The following DGKZ variants were observed in gnomAD, a reference collection of about 807,000 sequenced individuals.
DGKZ encodes the protein diacylglycerol kinase zeta, also known as DAG kinase zeta.
In DGKZ, 45 loss-of-function variants were observed where a neutral mutation model predicts 142.5. That is an observed-to-expected ratio of 0.32 (90% CI 0.25 to 0.40). The LOEUF (loss-of-function observed/expected upper bound fraction) is 0.40, where lower values mean the gene tolerates loss of function less well. Ranked by LOEUF, DGKZ falls within the 10% of genes least tolerant of loss-of-function variation. The probability of loss-of-function intolerance (pLI) is 1.00; values close to 1 mark genes in which losing one functional copy is unlikely to be tolerated. For missense variants in DGKZ, 755 were observed against 1,306.5 expected, an observed-to-expected ratio of 0.58 and a Z score of 6.51; for synonymous variants, 442 against 527.0, an observed-to-expected ratio of 0.84 and a Z score of 2.21.
rs1944075271 is a variant in DGKZ, at chr11:46,372,607, A to G, written c.1011-10A>G. ...CCCCTGACCCCACTGCCATCTTCCC[A>G]TGAGCCCAGGCTGGAGATGTACCGC... is the stretch of plus-strand genomic sequence containing the variant. On this transcript the variant is annotated splice_polypyrimidine_tract_variant and intron_variant, in intron 11 of 30. Transcript: ENST00000527911. This position sits in a 1 kb window ranked among gnomAD's most constrained non-coding sequence, Gnocchi z 5.9. 6.2e-7 allele frequency: 1 copy of G among 1,613,794 alleles called. No homozygotes were observed. The highest frequency in any genetic ancestry group is 1.7e-5 in the Admixed American group (1 of 60,012).
At chr11:46,378,118 G>A in intron 25 of DGKZ, 80 bp from the exon 26 acceptor site, 1 of 1,531,818 alleles carries the variant, frequency 6.5e-7, no homozygotes, top group Non-Finnish European at 8.9e-7. Context: ...AAAGGATGAA[G>A]ATGCCCCCAG....
chr11:46,356,859 T>C (rs1483823099), intron 1 of DGKZ, among the ~76,000 whole-genome samples: 1 of 152,180 alleles, frequency 6.6e-6, no homozygotes, highest in African/African-American at 2.4e-5. Context: ...TTAGGAGGAT[T>C]CGTAGCTTAA....
intron 14 of DGKZ, among the ~76,000 whole-genome samples, 190 bp downstream of exon 14, chr11:46,373,291 T>TC (rs920003985): frequency 7.1e-6 from 1 of 141,586 alleles, no homozygotes; most frequent in Non-Finnish European, 1.5e-5. Flanking sequence ...TTTTGTTTTT[T>TC]TTTTTTTTTT....
chr11:46,353,523 TGAGCCC>T (rs1941656771), intron 1 of DGKZ, among the ~76,000 whole-genome samples: 1 of 152,198 alleles, frequency 6.6e-6, no homozygotes, highest in Non-Finnish European at 1.5e-5. Context: ...ACTGGGGCTG[TGAGCCC>T]GTCATCATGT....
At position 46,379,180 on chromosome 11, in the gene DGKZ, GACC is replaced by G; in HGVS notation, c.2540-16_2540-14del. ...GGAGGAGGGGCTGCCAGGCCTCTCTGACCACCACCTCCCCTTCTCCAGCCCCCC... is the reference window on the plus strand; with the variant it reads ...GGAGGAGGGGCTGCCAGGCCTCTCTGACCACCTCCCCTTCTCCAGCCCCCC... On this transcript the variant is annotated intron_variant, in intron 28 of 30. Transcript: ENST00000527911. 6.2e-7 allele frequency: 1 copy of G among 1,612,724 alleles called. No individual in the cohort carries two copies. Among genetic ancestry groups the G allele is most frequent in the South Asian group, 1.1e-5 (1 of 91,074 alleles).
intron 1 of DGKZ, among the ~76,000 whole-genome samples, chr11:46,338,365 G>A (rs1362506922): frequency 6.6e-6 from 1 of 151,732 alleles, no homozygotes; most frequent in Non-Finnish European, 1.5e-5. Flanking sequence ...GCGTGATGGT[G>A]GGTGCCTGTT....
Position 46,372,329 on chromosome 11 carries a change from T to G in DGKZ, c.928-99T>G. 1 of 1,415,834 alleles carries G rather than the reference T, an allele frequency of 7.1e-7. No individual in the cohort carries two copies. The highest frequency in any genetic ancestry group is 9.9e-7 in the Non-Finnish European group (1 of 1,011,928). The allele number at this position is 1,415,834 out of a possible 1,614,324, so 87.7% of individuals were successfully genotyped here. On this transcript the variant is annotated intron_variant, in intron 10 of 30. Transcript: ENST00000527911. This position sits in a 1 kb window ranked among gnomAD's most constrained non-coding sequence, Gnocchi z 5.9. ...CTGTCCTTTCTCCACCCCTCACCCC[T>G]TATTGGCCCTGGTTCCCACAGTCAC...
chr11:46,367,805 T>C lies in DGKZ; in HGVS notation c.366+58T>C. 6.2e-7 allele frequency: 1 copy of C among 1,603,368 alleles called. No individual in the cohort carries two copies. Among genetic ancestry groups the C allele is most frequent in the Non-Finnish European group, 8.5e-7 (1 of 1,172,078 alleles). ...TGGTGGAGCCAGTAGCCGCAGCCCT[T>C]CCGGGAACGTGGGATTGAGCCCGCT... On this transcript the variant is annotated intron_variant, in intron 3 of 30. Transcript: ENST00000527911. This position sits in a 1 kb window ranked among gnomAD's most constrained non-coding sequence, Gnocchi z 4.1.
chr11:46,355,983 T>C (rs148090802), intron 1 of DGKZ, among the ~76,000 whole-genome samples: 2,561 of 152,022 alleles, frequency 0.017, 69 homozygotes, highest in African/African-American at 0.059. Context: ...TGACCTCAGG[T>C]GATCTGCCCG....
chr11:46,379,635 G>A (rs904737870), intron 30 of DGKZ, 67 bp downstream of exon 30: 13 of 1,435,078 alleles, frequency 9.1e-6, no homozygotes, highest in Admixed American at 4.4e-5. Flanking sequence ...TCCTAGGCGG[G>A]AGCTGGGGCT....
rs1940774832 is a variant in DGKZ, at chr11:46,347,496, C to T, written c.-164C>T. The stretch of plus-strand genomic sequence containing the variant: ...CTGGAGCGGCGGCGGCAGCGGCTTC[C>T]CGGGCACCTGGGCGTGGGGAGCGGG... On this transcript the variant is annotated 5_prime_UTR_variant, in exon 1 of 31. Coordinates refer to ENST00000527911, the Ensembl canonical transcript of DGKZ. The surrounding 1 kb of genome is among the most constrained non-coding windows in gnomAD (Gnocchi z 6.4). 1 of 982,094 alleles carries T rather than the reference C, an allele frequency of 1.0e-6. No homozygotes were observed. Among genetic ancestry groups the T allele is most frequent in the Non-Finnish European group, 1.2e-6 (1 of 828,874 alleles). The allele number at this position is 982,094 out of a possible 1,614,324, so 60.8% of individuals were successfully genotyped here.
chr11:46,344,190 C>A (rs891049534), upstream of DGKZ, among the ~76,000 whole-genome samples: 1 of 151,634 alleles, frequency 6.6e-6, no homozygotes, highest in African/African-American at 2.4e-5. Context: ...CCTCAAGTAA[C>A]CCACCAGCCT....
chr11:46,366,088 C>T, intron 1 of DGKZ: 24 of 985,382 alleles, frequency 2.4e-5, no homozygotes, highest in Non-Finnish European at 2.9e-5. Context: ...CCCTCCCTCC[C>T]TCAGGGGTTG....
chr11:46,375,755 C>G, intron 20 of DGKZ, 96 bp from the exon 21 acceptor site: 2 of 1,505,308 alleles, frequency 1.3e-6, no homozygotes, highest in East Asian at 4.9e-5. Flanking sequence ...GGGAGTGGAG[C>G]GGGACCTTCT....
chr11:46,347,565 G>A lies in DGKZ; in HGVS notation c.-95G>A. ...GGCGGAGCGAGCGCGCGCCATGGAG[G>A]TGGCGGGCGGCGCGGAGCGGGCGTG... is the stretch of plus-strand genomic sequence containing the variant. On this transcript the variant is annotated 5_prime_UTR_variant, in exon 1 of 31. The change creates a new upstream start codon in the 5' untranslated region. Coordinates refer to ENST00000527911, the Ensembl canonical transcript of DGKZ. This position sits in a 1 kb window ranked among gnomAD's most constrained non-coding sequence, Gnocchi z 6.4. 9.5e-7 allele frequency: 1 copy of A among 1,049,722 alleles called. No homozygotes were observed. The highest frequency in any genetic ancestry group is 4.4e-5 in the South Asian group (1 of 22,578). 65.0% of individuals were successfully genotyped at this position (1,049,722 alleles called of 1,614,324 possible).
exon 1 of DGKZ, chr11:46,333,097 G>A (rs1476074121): frequency 4.2e-6 from 2 of 474,084 alleles, no homozygotes; most frequent in Non-Finnish European, 6.5e-6. Flanking sequence ...CCTCTCCCAG[G>A]CGCAGCGCCC....
chr11:46,352,501 A>C (rs113665713), intron 1 of DGKZ, among the ~76,000 whole-genome samples: 14,716 of 152,088 alleles, frequency 0.097, 888 homozygotes, highest in South Asian at 0.18. Flanking sequence ...CCGTCCCCTG[A>C]GGCCCAGGCC....
At chr11:46,345,328 G>T, upstream of DGKZ, 2 of 1,383,314 alleles carry the variant, frequency 1.4e-6, no homozygotes, top group Non-Finnish European at 1.9e-6. The surrounding 1 kb of genome is among the most constrained non-coding windows in gnomAD (Gnocchi z 4.1). Flanking sequence ...CAGCTTGGGC[G>T]GCCAGCGGCC....
chr11:46,349,534 T>G (rs1237862641), intron 1 of DGKZ, among the ~76,000 whole-genome samples: 1 of 151,174 alleles, frequency 6.6e-6, no homozygotes, highest in Non-Finnish European at 1.5e-5. Context: ...ATAAGCAGGG[T>G]AGGTGGTATT....
Sources: gnomAD v4.1 joint callset for allele counts (sites outside exome capture counted in the v4.1 genomes callset) on GRCh38, gnomAD v4.1.1 for gene constraint, Gnocchi (gnomAD v3.1) non-coding constraint, MANE v1.5 for transcripts, NCBI Gene and HGNC (gene_info 2026-07-23, HGNC 2026-07-21) for gene names.